Variants in PKHD1L1 observed in about 807,000 individuals in gnomAD.
PKHD1L1 encodes PKHD1 like 1.
Under a neutral mutation model 462.9 loss-of-function variants are expected in PKHD1L1, and 434 were observed. The ratio of observed to expected loss-of-function variants is 0.94; its 90% CI spans 0.87 to 1.02. The LOEUF is 1.02. Ranked by LOEUF, PKHD1L1 falls within the 50% of genes least tolerant of loss-of-function variation. PKHD1L1 has a pLI of 0.00. For missense variants in PKHD1L1, 5,202 were observed against 5,096.1 expected, an observed-to-expected ratio of 1.02 and a Z score of -0.63; for synonymous variants, 1,781 against 1,750.0, an observed-to-expected ratio of 1.02 and a Z score of -0.44.
At chr8:109,412,043 A>C (rs1813882939) in intron 19 of PKHD1L1, among the ~76,000 whole-genome samples, 3 of 152,196 alleles carry the variant, frequency 2.0e-5, no homozygotes, top group African/African-American at 7.2e-5. Flanking sequence ...GTAAGGAAAA[A>C]AATCAAACTT....
At chr8:109,409,685 T>C (rs1813736493) in intron 18 of PKHD1L1, among the ~76,000 whole-genome samples, 180 bp from the exon 19 acceptor site, 1 of 152,214 alleles carries the variant, frequency 6.6e-6, no homozygotes, top group African/African-American at 2.4e-5. Flanking sequence ...GAAAACTCAT[T>C]AGACACTAAA....
chr8:109,523,472 A>G, intron 76 of PKHD1L1, 86 bp downstream of exon 76: 1 of 1,298,008 alleles, frequency 7.7e-7, no homozygotes, highest in Non-Finnish European at 1.0e-6. Context: ...GCATTCTGTA[A>G]CACTCTGGTC....
rs769847753 is a variant in PKHD1L1 at position 109,518,442 on chromosome 8, A to G, written c.11965A>G (p.Met3989Val). The G allele has an allele frequency of 2.2e-5, 35 of 1,610,944 alleles. No homozygotes were observed. In the Admixed American group the frequency reaches 5.5e-4, roughly 25 times the overall value. The change falls in exon 73 of 78, where the codon ATG (methionine) becomes GTG (valine). Residue 3989 changes from methionine (M) to valine (V), a missense_variant. Met to Val is a conservative substitution (Grantham distance 21, BLOSUM62 1). Around this residue, in one of 3 missense-constraint regions of PKHD1L1, gnomAD observed 698 missense variants for 736.3 expected, o/e 0.95. Transcript: ENST00000378402. ...RGKSLRRKRS[M>V]GFIIEIEIGD... ...GAAGAGTCTGAGGAGGAAGAGATCC[A>G]TGGGATTCATAATTGAAATAGAGAT...
At chr8:109,454,349 A>G in intron 44 of PKHD1L1, 103 bp downstream of exon 44, 2 of 785,242 alleles carry the variant, frequency 2.5e-6, no homozygotes, top group South Asian at 2.6e-5. Context: ...ACCTCTCCTA[A>G]GTTTATCTTT....
chr8:109,376,943 C>T (rs761534948), intron 2 of PKHD1L1, among the ~76,000 whole-genome samples: 10 of 152,154 alleles, frequency 6.6e-5, no homozygotes, highest in Admixed American at 2.6e-4. Flanking sequence ...GCACCTGCCA[C>T]GTAGCTTTAC....
intron 28 of PKHD1L1, 120 bp downstream of exon 28, chr8:109,433,336 T>C: frequency 2.2e-6 from 2 of 889,412 alleles, no homozygotes; most frequent in Non-Finnish European, 3.5e-6. Flanking sequence ...ATTACAATTA[T>C]CATGATCCCT....
chr8:109,442,108 G>C lies in PKHD1L1; in HGVS notation c.4306G>C (p.Gly1436Arg), dbSNP rs202087705. Residue 1436 changes from glycine (G) to arginine (R), a missense_variant, in exon 35 of 78, where the codon GGA becomes CGA. This residue lies in a region of PKHD1L1 where 4,497 missense variants were observed against 4,336.8 expected (regional missense o/e 1.04). Transcript: ENST00000378402. ...AACACATCCGTTTCTTAGAGGGATA[G>C]GATATAGGATTTTTTCTGTCTCCAG... ...WQTHPFLRGI[G>R]YRIFSVSSPG... 1 of 1,613,448 alleles carries C rather than the reference G, an allele frequency of 6.2e-7. No individual in the cohort carries two copies. Among genetic ancestry groups the C allele is most frequent in the Non-Finnish European group, 8.5e-7 (1 of 1,179,574 alleles).
Position 109,442,204 on chromosome 8 carries a change from C to T in PKHD1L1, c.4393+9C>T, listed in dbSNP as rs754911732. The T allele has an allele frequency of 1.9e-6, 3 of 1,600,024 alleles. No homozygotes were observed. In the African/African-American group the frequency reaches 4.0e-5, roughly 22 times the overall value. Reference sequence around the variant, plus strand: ...ACAAAAATCTACATCAGGTATGTTTCTGCTTATTGGGTTTTGCATCATGTC... The same window carrying T: ...ACAAAAATCTACATCAGGTATGTTTTTGCTTATTGGGTTTTGCATCATGTC... On this transcript the variant is annotated intron_variant, in intron 35 of 77. Transcript: ENST00000378402.
At chr8:109,406,033 T>A (rs1479944412) in intron 16 of PKHD1L1, among the ~76,000 whole-genome samples, 1 of 152,236 alleles carries the variant, frequency 6.6e-6, no homozygotes, top group East Asian at 1.9e-4. Flanking sequence ...TACTGTTAAT[T>A]GTTTTAACCA....
At chr8:109,484,836 A>T (rs567339281) in intron 57 of PKHD1L1, among the ~76,000 whole-genome samples, 1 of 152,060 alleles carries the variant, frequency 6.6e-6, no homozygotes, top group South Asian at 2.1e-4. Flanking sequence ...AGTTAAGAAA[A>T]TGCTCAGATA....
chr8:109,477,361 A>C lies in PKHD1L1; in HGVS notation c.9054A>C (p.Arg3018Ser). The change falls in exon 53 of 78, where the codon AGA becomes AGC. Residue 3018 changes from arginine (R) to serine (S), a missense_variant. Physicochemically the swap from Arg to Ser is moderately radical, Grantham distance 110. Coordinates refer to ENST00000378402, the MANE Select transcript of PKHD1L1 (RefSeq NM_177531.6). Reference sequence around the variant, plus strand: ...GCTTTCCTGTACATCCGCCATCAAGAAAACCAATTCCCAAGAAGCGACCAG... The same window carrying C: ...GCTTTCCTGTACATCCGCCATCAAGCAAACCAATTCCCAAGAAGCGACCAG... ...QDCFPVHPPS[R>S]KPIPKKRPAT... The C allele has an allele frequency of 6.2e-7, 1 of 1,613,430 alleles. No individual in the cohort carries two copies. Among genetic ancestry groups the C allele is most frequent in the Non-Finnish European group, 8.5e-7 (1 of 1,179,618 alleles).
chr8:109,518,035 T>A, intron 72 of PKHD1L1, 132 bp from the exon 73 acceptor site: 1 of 653,906 alleles, frequency 1.5e-6, no homozygotes, highest in African/African-American at 1.8e-5. Context: ...TAAAAAGGTA[T>A]GCTTTCTTAT....
chr8:109,456,563 C>T (rs1023308309), intron 46 of PKHD1L1, among the ~76,000 whole-genome samples, 172 bp downstream of exon 46: 1 of 152,104 alleles, frequency 6.6e-6, no homozygotes, highest in African/African-American at 2.4e-5. Flanking sequence ...AGGTTGATCA[C>T]ATTTGTATTG....
At position 109,461,154 on chromosome 8, in the gene PKHD1L1, T is replaced by A. The variant is rs548103814; in HGVS notation, c.7247-618T>A. On this transcript the variant is annotated intron_variant, in intron 47 of 77. Transcript: ENST00000378402. ...TGTCTCTTTTAAATTTTTTATGTAA[T>A]CATTCATATCATTACAATACTATAA... Among the ~76,000 whole-genome samples, 161 of 152,318 alleles carry A rather than the reference T, an allele frequency of 1.1e-3. 1 individual carries two copies. The highest frequency in any genetic ancestry group is 3.7e-3 in the African/African-American group (155 of 41,566).
intron 2 of PKHD1L1, among the ~76,000 whole-genome samples, chr8:109,378,058 A>G (rs1811928000): frequency 6.6e-6 from 1 of 152,044 alleles, no homozygotes; most frequent in Non-Finnish European, 1.5e-5. Context: ...AAAAAAGTAA[A>G]AGAAAAATCA....
At chr8:109,444,047 A>G (rs1815970941) in intron 37 of PKHD1L1, 145 bp downstream of exon 37, 1 of 733,258 alleles carries the variant, frequency 1.4e-6, no homozygotes, top group South Asian at 2.1e-5. Context: ...TGTACAATTC[A>G]TAAACTTTTA....
Position 109,457,353 on chromosome 8 carries a change from T to C in PKHD1L1, c.7004+962T>C, listed in dbSNP as rs191262343. On this transcript the variant is annotated intron_variant, in intron 46 of 77. Transcript: ENST00000378402. ...AATTTTAATTATATAATGGCAAAAT[T>C]AAAAAGCAGGAAAATGATAGGGGTT... Among the ~76,000 whole-genome samples, 1,097 of 152,280 alleles carry C rather than the reference T, an allele frequency of 7.2e-3. 11 individuals carry two copies. Among genetic ancestry groups the C allele is most frequent in the Non-Finnish European group, 0.013 (869 of 68,010 alleles).
intron 54 of PKHD1L1, among the ~76,000 whole-genome samples, 154 bp downstream of exon 54, chr8:109,479,793 C>T (rs1818181092): frequency 6.6e-6 from 1 of 152,068 alleles, no homozygotes; most frequent in Non-Finnish European, 1.5e-5. Context: ...TAAACCTAGC[C>T]TTCTGGGGTT....
chr8:109,410,084 C>T, intron 19 of PKHD1L1, 106 bp downstream of exon 19: 1 of 639,206 alleles, frequency 1.6e-6, no homozygotes, highest in Non-Finnish European at 2.5e-6. Context: ...CTTTGTTATT[C>T]ACAGTCAAAT....
Sources: gnomAD v4.1 joint callset for allele counts (sites outside exome capture counted in the v4.1 genomes callset) on GRCh38, gnomAD v4.1.1 for gene constraint, gnomAD v4.1.1 regional missense constraint, MANE v1.5 for transcripts, NCBI Gene and HGNC (gene_info 2026-07-23, HGNC 2026-07-21) for gene names.